The following TFDP2 variants were observed in gnomAD, a reference collection of about 807,000 sequenced individuals.
TFDP2 encodes transcription factor Dp-2 (E2F dimerization partner 2).
A neutral mutation model predicts 59.3 loss-of-function variants in TFDP2; 17 were observed. That is an observed-to-expected ratio of 0.29 (90% CI 0.20 to 0.43). The LOEUF (loss-of-function observed/expected upper bound fraction) is 0.43, where lower values mean the gene tolerates loss of function less well. TFDP2 is among the 20% of genes least tolerant of loss of function. The pLI, the probability that TFDP2 is intolerant of heterozygous loss-of-function variation, is 1.00. For synonymous variants in TFDP2, 180 were observed against 194.7 expected (o/e 0.92, Z 0.63); for missense variants, 391 against 528.8 (o/e 0.74, Z 2.56).
At chr3:142,103,057 G>GA (rs2061362244) in intron 1 of TFDP2, among the ~76,000 whole-genome samples, 1 of 152,084 alleles carries the variant, frequency 6.6e-6, no homozygotes, top group South Asian at 2.1e-4. Context: ...CCAACATGGT[G>GA]AAACCCCTTC....
rs1470458118 is a variant in TFDP2, at chr3:141,961,231, TTTG to T, written c.885-1394_885-1392del. Among the ~76,000 whole-genome samples, 224 of 150,510 alleles carry T rather than the reference TTTG, an allele frequency of 1.5e-3. 1 individual carries two copies. Among genetic ancestry groups the T allele is most frequent in the East Asian group, 7.4e-3 (38 of 5,118 alleles). ...AACCATTTTCCAGAATTCTCAGTTT[TTTG>T]TTGTTTTTTTTTTTTTTTTTTTTTT... On this transcript the variant is annotated intron_variant, in intron 10 of 12. Transcript: ENST00000489671.
chr3:141,981,271 G>A (rs535802816), intron 6 of TFDP2, among the ~76,000 whole-genome samples: 2 of 152,114 alleles, frequency 1.3e-5, no homozygotes, highest in South Asian at 2.1e-4. Context: ...TTATAGCCTC[G>A]GGGCAATAGG....
chr3:142,066,962 G>A (rs762561235), intron 3 of TFDP2, among the ~76,000 whole-genome samples: 1 of 152,108 alleles, frequency 6.6e-6, no homozygotes, highest in Non-Finnish European at 1.5e-5. Flanking sequence ...AACCATTCAT[G>A]TATAAAATTC....
At chr3:141,998,678 T>TATC (rs978449561) in intron 4 of TFDP2, among the ~76,000 whole-genome samples, 4 of 152,270 alleles carry the variant, frequency 2.6e-5, no homozygotes, top group Admixed American at 2.6e-4. Context: ...TAATATTCAC[T>TATC]TGATATGCTA....
intron 4 of TFDP2, among the ~76,000 whole-genome samples, chr3:142,004,628 A>G (rs1373649820): frequency 2.0e-5 from 3 of 152,190 alleles, no homozygotes; most frequent in Admixed American, 6.5e-5. Flanking sequence ...TCCATTTTTC[A>G]TTCATTATTT....
chr3:141,959,474 A>T (rs1236732038), intron 11 of TFDP2, among the ~76,000 whole-genome samples, 200 bp downstream of exon 11: 1 of 152,204 alleles, frequency 6.6e-6, no homozygotes, highest in African/African-American at 2.4e-5. Context: ...TGTGTGGTGT[A>T]TAGATGTAAG....
chr3:142,102,979 T>G (rs111560530), intron 1 of TFDP2, among the ~76,000 whole-genome samples: 1 of 152,332 alleles, frequency 6.6e-6, no homozygotes, highest in African/African-American at 2.4e-5. Flanking sequence ...CTCACGCCTG[T>G]AATCCCAGCA....
intron 3 of TFDP2, among the ~76,000 whole-genome samples, chr3:142,075,041 G>A (rs777598053): frequency 2.6e-5 from 4 of 151,916 alleles, no homozygotes; most frequent in Non-Finnish European, 5.9e-5. Context: ...GGATTCTCAC[G>A]TTACACCATT....
At position 141,987,773 on chromosome 3, in the gene TFDP2, G is replaced by GAAA. The variant is rs112269693; in HGVS notation, c.356+5762_356+5764dup. On this transcript the variant is annotated intron_variant, in intron 6 of 12. Transcript: ENST00000489671. Reference sequence around the variant, plus strand: ...TGAAATCCAGTCTCTACTAAAAATAGAAAAAAAAAAAAAAAATTAGCCGGG... The same window carrying GAAA: ...TGAAATCCAGTCTCTACTAAAAATAGAAAAAAAAAAAAAAAAAAATTAGCCGGG... Among the ~76,000 whole-genome samples, 2 of 125,016 alleles carry GAAA rather than the reference G, an allele frequency of 1.6e-5. 1 individual carries two copies. The highest frequency in any genetic ancestry group is 5.3e-4 in the South Asian group (2 of 3,750). The allele number at this position is 125,016 out of a possible 152,430, so 82.0% of individuals were successfully genotyped here.
intron 3 of TFDP2, among the ~76,000 whole-genome samples, chr3:142,090,262 A>G (rs1487395427): frequency 6.6e-6 from 1 of 152,182 alleles, no homozygotes; most frequent in African/African-American, 2.4e-5. Context: ...CCCTGGGCAT[A>G]GCAAAACCCT....
At chr3:141,995,839 C>T (rs1308405721) in intron 4 of TFDP2, among the ~76,000 whole-genome samples, 3 of 143,870 alleles carry the variant, frequency 2.1e-5, no homozygotes, top group African/African-American at 5.2e-5. Context: ...GTTGAGATCA[C>T]GCCACTGCAC....
chr3:142,005,456 A>G lies in TFDP2; in HGVS notation c.171T>C (p.Asn57=), dbSNP rs1287982427. ...LPKTLGPINV[N]VGPQMIISTP... is the part of the protein sequence containing the mutation. ...ATTTTCTTACCATTTGGGGTCCAAC[A>G]TTCACATTTATTGGTCCTAAGGTTT... is the stretch of plus-strand genomic sequence containing the variant. Residue 57 remains asparagine (N), a synonymous_variant, in exon 4 of 13, where the codon AAT becomes AAC. Coordinates refer to ENST00000489671, the MANE Select transcript of TFDP2 (RefSeq NM_001178139.2). 6.2e-7 allele frequency: 1 copy of G among 1,607,864 alleles called. No homozygotes were observed. Among genetic ancestry groups the G allele is most frequent in the African/African-American group, 1.3e-5 (1 of 74,774 alleles).
At chr3:142,002,368 A>C (rs1046238027) in intron 4 of TFDP2, among the ~76,000 whole-genome samples, 5 of 128,890 alleles carry the variant, frequency 3.9e-5, no homozygotes, top group African/African-American at 1.5e-4. Flanking sequence ...TATGTTGCTC[A>C]GGCTGGTCTT....
intron 6 of TFDP2, among the ~76,000 whole-genome samples, chr3:141,984,575 G>A (rs1036529989): frequency 6.6e-6 from 1 of 152,142 alleles, no homozygotes; most frequent in Non-Finnish European, 1.5e-5. Flanking sequence ...TAGAACAGAG[G>A]GATTGTGGGG....
intron 7 of TFDP2, among the ~76,000 whole-genome samples, chr3:141,975,892 T>C (rs963038222): frequency 9.2e-5 from 14 of 152,044 alleles, no homozygotes; most frequent in African/African-American, 3.4e-4. Flanking sequence ...AAAACAACTA[T>C]TTTTCCGAGA....
At chr3:142,088,474 G>A (rs2108605193) in intron 3 of TFDP2, among the ~76,000 whole-genome samples, 1 of 152,022 alleles carries the variant, frequency 6.6e-6, no homozygotes, top group East Asian at 1.9e-4. Context: ...GGGATTACAG[G>A]CATGCGCCAC....
At chr3:142,030,470 T>TA (rs887789035) in intron 3 of TFDP2, among the ~76,000 whole-genome samples, 1 of 152,232 alleles carries the variant, frequency 6.6e-6, no homozygotes, top group African/African-American at 2.4e-5. Context: ...ATTAAAATCT[T>TA]ACATGTTTAT....
At chr3:142,060,123 T>G (rs927667103) in intron 3 of TFDP2, among the ~76,000 whole-genome samples, 1 of 152,214 alleles carries the variant, frequency 6.6e-6, no homozygotes, top group African/African-American at 2.4e-5. Flanking sequence ...GTATACTTAT[T>G]TTCCAGTCAT....
chr3:142,097,596 C>A (rs1040121854), intron 2 of TFDP2, among the ~76,000 whole-genome samples: 3 of 152,010 alleles, frequency 2.0e-5, no homozygotes, highest in African/African-American at 7.3e-5. Flanking sequence ...GAGGTGGGAG[C>A]ATCGCTTGAG....
Sources: gnomAD v4.1 joint callset for allele counts (sites outside exome capture counted in the v4.1 genomes callset) on GRCh38, gnomAD v4.1.1 for gene constraint, MANE v1.5 for transcripts, NCBI Gene and HGNC (gene_info 2026-07-23, HGNC 2026-07-21) for gene names.